The following SNTG2 variants were observed in gnomAD, a reference collection of about 807,000 sequenced individuals.
SNTG2 encodes the protein syntrophin gamma 2.
Under a neutral mutation model 70.9 loss-of-function variants are expected in SNTG2, and 74 were observed. The observed-to-expected ratio is 1.04, with a 90% CI of 0.86 to 1.27. The LOEUF (loss-of-function observed/expected upper bound fraction) is 1.27, where lower values mean the gene tolerates loss of function less well. Ranked by LOEUF, SNTG2 falls within the 50% of genes most tolerant of loss-of-function variation. The pLI is 0.00. For missense variants in SNTG2, 717 were observed against 690.7 expected (o/e 1.04, Z -0.43); for synonymous variants, 278 against 273.8 (o/e 1.02, Z -0.15).
chr2:1,053,805 C>G (rs1248491498), intron 1 of SNTG2, among the ~76,000 whole-genome samples: 1 of 152,024 alleles, frequency 6.6e-6, no homozygotes, highest in East Asian at 1.9e-4. Context: ...CCTTCCTTAT[C>G]CTTTCCTCCA....
intron 1 of SNTG2, among the ~76,000 whole-genome samples, chr2:1,019,955 A>T (rs1385671922): frequency 6.6e-6 from 1 of 152,146 alleles, no homozygotes; most frequent in Admixed American, 6.5e-5. Context: ...AGGTAGGAGA[A>T]TTGCTTGAAC....
intron 4 of SNTG2, among the ~76,000 whole-genome samples, chr2:1,126,009 GCT>G (rs1173104524): frequency 1.3e-5 from 2 of 151,996 alleles, no homozygotes; most frequent in African/African-American, 4.8e-5. Context: ...TATTCAATAT[GCT>G]CTCTTCTAGC....
chr2:1,336,812 T>C (rs116733246), intron 16 of SNTG2, among the ~76,000 whole-genome samples: 215 of 152,306 alleles, frequency 1.4e-3, no homozygotes, highest in African/African-American at 5.0e-3. Context: ...TGTTTTTGTC[T>C]ATATTTCTGT....
In SNTG2 at chr2:1,267,472, T is replaced by C. The variant is rs376992062; in HGVS notation, c.1185T>C (p.His395=). Residue 395 remains histidine, a synonymous_variant, in exon 14 of 17, where the codon CAT becomes CAC. Coordinates refer to ENST00000308624, the MANE Select transcript of SNTG2 (RefSeq NM_018968.4). ...ATTGCTTCAGCATCGTGGCCGGCCATGGGAAGAGCCATGTTTTCAACGTGG... is the reference window on the plus strand; with the variant it reads ...ATTGCTTCAGCATCGTGGCCGGCCACGGGAAGAGCCATGTTTTCAACGTGG... ...RPYCFSIVAG[H]GKSHVFNVEL... 6.2e-6 allele frequency: 10 copies of C among 1,613,838 alleles called. 1 individual carries two copies. In the East Asian group the frequency reaches 1.1e-4, roughly 18 times the overall value.
chr2:1,314,332 G>A (rs979448530), intron 15 of SNTG2, among the ~76,000 whole-genome samples: 1 of 152,328 alleles, frequency 6.6e-6, no homozygotes, highest in South Asian at 2.1e-4. Context: ...ACAAATGATG[G>A]ATAATAGGTC....
intron 14 of SNTG2, among the ~76,000 whole-genome samples, chr2:1,269,091 A>T (rs1678891015): frequency 6.6e-6 from 1 of 152,176 alleles, no homozygotes; most frequent in Non-Finnish European, 1.5e-5. Context: ...TAGTACCCAG[A>T]TGTAGTGAAA....
At chr2:1,140,860 C>G (rs1668705597) in intron 6 of SNTG2, among the ~76,000 whole-genome samples, 1 of 152,140 alleles carries the variant, frequency 6.6e-6, no homozygotes. Flanking sequence ...AAAAAAGTCA[C>G]TAACACCTTT....
intron 11 of SNTG2, among the ~76,000 whole-genome samples, chr2:1,241,677 A>G (rs1461056152): frequency 2.0e-5 from 3 of 152,170 alleles, no homozygotes; most frequent in East Asian, 1.9e-4. Flanking sequence ...TGATGAAATA[A>G]TGGTTCAGAG....
Position 1,197,529 on chromosome 2 carries a change from G to GTATGTATATATGTGTATGTATATATA in SNTG2, c.592-11573_592-11572insATGTATATATGTGTATGTATATATAT, listed in dbSNP as rs1317376391. Among the ~76,000 whole-genome samples the GTATGTATATATGTGTATGTATATATA allele has an allele frequency of 4.2e-3, 423 of 101,700 alleles. 7 individuals carry two copies. The highest frequency in any genetic ancestry group is 0.017 in the East Asian group (32 of 1,934). The allele number at this position is 101,700 out of a possible 152,430, so 66.7% of individuals were successfully genotyped here. ...TATGTATATATATGTGTGTGTGTGT[G>GTATGTATATATGTGTATGTATATATA]TGTGTGTGTGTGTGTGTGTGTATAT... On this transcript the variant is annotated intron_variant, in intron 8 of 16. Coordinates refer to ENST00000308624, the MANE Select transcript of SNTG2 (RefSeq NM_018968.4).
chr2:1,149,217 G>GACAC (rs142450306), intron 6 of SNTG2, among the ~76,000 whole-genome samples: 5 of 148,928 alleles, frequency 3.4e-5, no homozygotes, highest in Non-Finnish European at 7.4e-5. Flanking sequence ...GTGAGAGAGA[G>GACAC]ACACACACAC....
intron 1 of SNTG2, among the ~76,000 whole-genome samples, chr2:984,860 T>G (rs1039128956): frequency 6.6e-6 from 1 of 152,214 alleles, no homozygotes; most frequent in African/African-American, 2.4e-5. Flanking sequence ...AGTCTAATGC[T>G]TATTTTATTG....
In SNTG2 at chr2:1,165,565, TGCTGGCGA is replaced by T. The variant is rs1670650999; in HGVS notation, c.430_437del (p.Ala144Ter). On this transcript the variant is annotated frameshift_variant, in exon 7 of 17. Transcript: ENST00000308624. LOFTEE classifies it high-confidence loss of function. ...ATTGACAGGTGCATCTGCTGAGAAA[TGCTGGCGA>T]TGAAGTTACCATCACCGTTGAGTAT... The T allele has an allele frequency of 1.2e-6, 2 of 1,612,828 alleles. No homozygotes were observed. Among genetic ancestry groups the T allele is most frequent in the Non-Finnish European group, 1.7e-6 (2 of 1,179,534 alleles).
intron 2 of SNTG2, among the ~76,000 whole-genome samples, chr2:1,093,842 C>A (rs1279825200): frequency 6.6e-6 from 1 of 152,182 alleles, no homozygotes; most frequent in African/African-American, 2.4e-5. Flanking sequence ...CCCTTCTCAC[C>A]GTTCTGGGAG....
At chr2:1,299,613 T>C (rs2148233785) in intron 14 of SNTG2, among the ~76,000 whole-genome samples, 1 of 152,276 alleles carries the variant, frequency 6.6e-6, no homozygotes, top group South Asian at 2.1e-4. Context: ...CCAAATAAGA[T>C]ACTGGGGGCT....
chr2:975,148 A>T (rs1572181026), intron 1 of SNTG2, among the ~76,000 whole-genome samples: 1 of 151,312 alleles, frequency 6.6e-6, no homozygotes, highest in African/African-American at 2.4e-5. Flanking sequence ...ATAACACCAC[A>T]CCCTTCCACT....
Position 1,203,663 on chromosome 2 carries a change from CAA to C in SNTG2, c.592-5430_592-5429del, listed in dbSNP as rs201271605. 5.5e-4 allele frequency among the ~76,000 whole-genome samples: 62 copies of C among 113,108 alleles called. 2 individuals carry two copies. The highest frequency in any genetic ancestry group is 8.3e-3 in the Middle Eastern group (2 of 242). 74.2% of individuals were successfully genotyped at this position (113,108 alleles called of 152,430 possible). A position where few individuals can be genotyped will look rare whatever the true frequency, so the allele number is the denominator to read the frequency against. On this transcript the variant is annotated intron_variant, in intron 8 of 16. Coordinates refer to ENST00000308624, the MANE Select transcript of SNTG2 (RefSeq NM_018968.4). ...AGTGAGACCTTGTCTCAAAAACAAA[CAA>C]AAAAAAAAATATATATATATATATA...
intron 4 of SNTG2, among the ~76,000 whole-genome samples, chr2:1,137,276 CCA>C (rs1222541864): frequency 6.6e-6 from 1 of 151,886 alleles, no homozygotes; most frequent in Non-Finnish European, 1.5e-5. Context: ...CCGCCCACAC[CCA>C]CGCATGCACA....
chr2:1,026,823 C>T (rs1267783674), intron 1 of SNTG2, among the ~76,000 whole-genome samples: 2 of 152,206 alleles, frequency 1.3e-5, no homozygotes, highest in South Asian at 4.1e-4. Context: ...GCCTGCCCTT[C>T]CTCTTCCTGC....
At chr2:963,166 T>TAACATTAAC (rs916205307) in intron 1 of SNTG2, among the ~76,000 whole-genome samples, 2 of 152,170 alleles carry the variant, frequency 1.3e-5, no homozygotes, top group African/African-American at 4.8e-5. Context: ...TGAAAGTGAT[T>TAACATTAAC]AACATTAACA....
Sources: allele counts gnomAD v4.1 joint callset (sites outside exome capture counted in the v4.1 genomes callset), GRCh38; gene constraint gnomAD v4.1.1; transcripts MANE v1.5; gene names NCBI Gene and HGNC (gene_info 2026-07-23, HGNC 2026-07-21).